Variants in PRR16 observed in about 807,000 individuals in gnomAD.
The protein encoded by PRR16 is protein Largen.
PRR16 carries 6 observed loss-of-function variants against 18.2 expected under a neutral mutation model. The observed-to-expected ratio is 0.33, with a 90% confidence interval of 0.18 to 0.65. The LOEUF (loss-of-function observed/expected upper bound fraction) is 0.65. Ranked by LOEUF, PRR16 falls within the 30% of genes least tolerant of loss-of-function variation. PRR16 has a pLI of 0.74. For synonymous variants in PRR16, 151 were observed against 147.8 expected, an observed-to-expected ratio of 1.02 and a Z score of -0.16; for missense variants, 412 against 376.6, an observed-to-expected ratio of 1.09 and a Z score of -0.78.
intron 1 of PRR16, among the ~76,000 whole-genome samples, chr5:120,623,115 T>C (rs1440648659): frequency 6.6e-6 from 1 of 152,110 alleles, no homozygotes; most frequent in Non-Finnish European, 1.5e-5. Flanking sequence ...CTTGAAAATG[T>C]ACTGTTACTA....
chr5:120,627,368 T>C (rs1299156141), intron 1 of PRR16, among the ~76,000 whole-genome samples: 1 of 152,128 alleles, frequency 6.6e-6, no homozygotes, highest in Non-Finnish European at 1.5e-5. Context: ...GTAGATATCA[T>C]AGCTGGATTC....
At chr5:120,558,339 C>T (rs1209207537) in intron 1 of PRR16, among the ~76,000 whole-genome samples, 1 of 151,910 alleles carries the variant, frequency 6.6e-6, no homozygotes, top group East Asian at 1.9e-4. Context: ...CTTCTACACT[C>T]TGTCTCCATG....
At chr5:120,584,258 T>G (rs1753366832) in intron 1 of PRR16, among the ~76,000 whole-genome samples, 1 of 152,212 alleles carries the variant, frequency 6.6e-6, no homozygotes. Context: ...CTGAAATGAC[T>G]ATATAAAATG....
the PRR16 span, chr5:120,781,268 CAA>C: frequency 6.6e-6 from 1 of 151,730 alleles, no homozygotes; most frequent in Non-Finnish European, 1.5e-5. Flanking sequence ...ACGAGATTAA[CAA>C]GAGAAAAACA....
intron 1 of PRR16, among the ~76,000 whole-genome samples, chr5:120,504,733 T>C (rs1266860196): frequency 1.3e-5 from 2 of 152,130 alleles, no homozygotes; most frequent in Non-Finnish European, 2.9e-5. Flanking sequence ...GTTACAGGGA[T>C]CCCCTTTGAA....
At chr5:120,774,643 T>C in the PRR16 span, among the ~76,000 whole-genome samples, 1 of 152,110 alleles carries the variant, frequency 6.6e-6, no homozygotes, top group Non-Finnish European at 1.5e-5. Context: ...GGAATTAACT[T>C]GGAAGGGAGA....
Position 120,596,320 on chromosome 5 carries a change from A to G in PRR16, c.160-89634A>G, listed in dbSNP as rs1244563236. 4.6e-5 allele frequency among the ~76,000 whole-genome samples: 7 copies of G among 151,810 alleles called. 1 individual carries two copies. In the South Asian group the frequency reaches 1.5e-3, roughly 31 times the overall value. ...GTACAGTGGGACAGACTCAGTCCCC[A>G]GGGTGAAGTTAAAACATCTGAAGGA... On this transcript the variant is annotated intron_variant, in intron 1 of 1. Transcript: ENST00000407149.
chr5:120,622,428 T>C (rs1754719774), intron 1 of PRR16, among the ~76,000 whole-genome samples: 2 of 152,028 alleles, frequency 1.3e-5, no homozygotes, highest in East Asian at 3.8e-4. Context: ...ATGACAAGTG[T>C]TTATTTTTCA....
the PRR16 span, among the ~76,000 whole-genome samples, chr5:120,787,600 T>C: frequency 6.6e-6 from 1 of 152,116 alleles, no homozygotes; most frequent in Non-Finnish European, 1.5e-5. Context: ...TTTGCTCTTA[T>C]CTTGAATGCA....
intron 1 of PRR16, among the ~76,000 whole-genome samples, chr5:120,602,723 A>G (rs1014844293): frequency 6.6e-6 from 1 of 151,658 alleles, no homozygotes; most frequent in Non-Finnish European, 1.5e-5. Context: ...TCTTATTATC[A>G]TCAAAGGTAT....
chr5:120,491,417 CCCTTTCCTTT>C (rs200339193), intron 1 of PRR16, among the ~76,000 whole-genome samples: 18,386 of 131,014 alleles, frequency 0.14, 1,595 homozygotes, highest in Middle Eastern at 0.24. Flanking sequence ...AAGGCATATA[CCCTTTCCTTT>C]CCTTTCCTTT....
chr5:120,561,496 A>G (rs1053832874), intron 1 of PRR16, among the ~76,000 whole-genome samples: 1 of 152,058 alleles, frequency 6.6e-6, no homozygotes, highest in Non-Finnish European at 1.5e-5. Context: ...TAGTATTTCA[A>G]TTTTTTGAAT....
intron 1 of PRR16, among the ~76,000 whole-genome samples, chr5:120,643,084 T>A (rs1264560137): frequency 6.6e-6 from 1 of 152,102 alleles, no homozygotes; most frequent in African/African-American, 2.4e-5. Flanking sequence ...CGCAAAATAT[T>A]TGACATAGTG....
chr5:120,662,067 C>T (rs1034447380), intron 1 of PRR16, among the ~76,000 whole-genome samples: 1 of 151,962 alleles, frequency 6.6e-6, no homozygotes, highest in African/African-American at 2.4e-5. Flanking sequence ...GCCTTGGTAG[C>T]TAGGGTTGGT....
intron 1 of PRR16, among the ~76,000 whole-genome samples, chr5:120,530,255 AT>A (rs1387136460): frequency 7.8e-5 from 2 of 25,552 alleles, no homozygotes; most frequent in Non-Finnish European, 2.4e-4. Flanking sequence ...GTGTGTGTAA[AT>A]ATATATATAT....
intron 1 of PRR16, among the ~76,000 whole-genome samples, chr5:120,658,754 C>T (rs1196143916): frequency 6.6e-6 from 1 of 151,912 alleles, no homozygotes; most frequent in African/African-American, 2.4e-5. Context: ...AATCTGCTCC[C>T]ATTTTTCTAA....
chr5:120,758,872 A>T, the PRR16 span, among the ~76,000 whole-genome samples: 1 of 151,770 alleles, frequency 6.6e-6, no homozygotes, highest in Non-Finnish European at 1.5e-5. Context: ...TAACTTTGTC[A>T]TATTTTTTAT....
chr5:120,567,311 C>A (rs1245819877), intron 1 of PRR16, among the ~76,000 whole-genome samples: 1 of 152,120 alleles, frequency 6.6e-6, no homozygotes, highest in African/African-American at 2.4e-5. Flanking sequence ...AACCTGCCTA[C>A]CTCTGATAGG....
intron 1 of PRR16, among the ~76,000 whole-genome samples, chr5:120,490,084 C>A (rs369192933): frequency 2.6e-5 from 4 of 152,008 alleles, no homozygotes; most frequent in Admixed American, 1.3e-4. Flanking sequence ...TGCCCTTAAC[C>A]TTTTTTCCTT....
Sources: allele counts gnomAD v4.1 joint callset (sites outside exome capture counted in the v4.1 genomes callset), GRCh38; gene constraint gnomAD v4.1.1; transcripts MANE v1.5; gene names NCBI Gene and HGNC (gene_info 2026-07-23, HGNC 2026-07-21).